KLK5: variants seen among roughly 807,000 people sequenced by gnomAD.
The protein encoded by KLK5 is kallikrein related peptidase 5.
Under a neutral mutation model 24.0 loss-of-function variants are expected in KLK5, and 18 were observed. The ratio of observed to expected loss-of-function variants is 0.75; its 90% CI spans 0.52 to 1.11. KLK5 has a LOEUF of 1.11. Among genes scored for constraint, KLK5 ranks in the 50% most tolerant of loss-of-function variants. KLK5 has a pLI of 0.00. For synonymous variants in KLK5, 140 were observed against 154.0 expected (o/e 0.91, Z 0.67); for missense variants, 374 against 379.2 (o/e 0.99, Z 0.11).
intron 5 of KLK5, among the ~76,000 whole-genome samples, chr19:50,945,933 ACTC>A (rs1223907565): frequency 6.6e-6 from 1 of 152,012 alleles, no homozygotes; most frequent in Admixed American, 6.5e-5. Context: ...CTGGTCTTGA[ACTC>A]CTGAGCTCAA....
intron 2 of KLK5, among the ~76,000 whole-genome samples, chr19:50,951,364 C>T (rs975866088): frequency 6.6e-6 from 1 of 152,068 alleles, no homozygotes; most frequent in Admixed American, 6.5e-5. Context: ...CCTCCACCTC[C>T]CGGGTTCAAG....
Position 50,952,890 on chromosome 19 carries a change from G to A in KLK5, c.-155C>T. ...GGGGACAGAGAAAGATGTGGGTGCAGGACGCACAGACACCTCTCCTTCCCT... is the reference window on the plus strand; with the variant it reads ...GGGGACAGAGAAAGATGTGGGTGCAAGACGCACAGACACCTCTCCTTCCCT... On this transcript the variant is annotated 5_prime_UTR_variant, in exon 1 of 6. Coordinates refer to ENST00000336334, the MANE Select transcript of KLK5 (RefSeq NM_012427.5). 1 of 394,542 alleles carries A rather than the reference G, an allele frequency of 2.5e-6. No homozygotes were observed. Among genetic ancestry groups the A allele is most frequent in the Non-Finnish European group, 4.5e-6 (1 of 223,452 alleles). The allele number at this position is 394,542 out of a possible 1,614,324, so 24.4% of individuals were successfully genotyped here.
In KLK5 at chr19:50,952,665, G is replaced by A; in HGVS notation, c.-8C>T. On this transcript the variant is annotated 5_prime_UTR_variant, in exon 2 of 6. Transcript: ENST00000336334. ...GGGTCTTGCTGTAGCCATGGCCGCTGCACCTGGATGGGGAATGTCAGAGGG... is the reference window on the plus strand; with the variant it reads ...GGGTCTTGCTGTAGCCATGGCCGCTACACCTGGATGGGGAATGTCAGAGGG... The A allele has an allele frequency of 6.3e-7, 1 of 1,593,524 alleles. No individual in the cohort carries two copies. Among genetic ancestry groups the A allele is most frequent in the South Asian group, 1.1e-5 (1 of 88,324 alleles).
intron 3 of KLK5, 146 bp downstream of exon 3, chr19:50,949,704 ATCCCC>A: frequency 1.2e-5 from 6 of 512,502 alleles, no homozygotes; most frequent in South Asian, 2.5e-5. Flanking sequence ...TCCCCAACCC[ATCCCC>A]ACCAACCCTC....
Position 50,949,044 on chromosome 19 carries a change from C to T in KLK5, c.407G>A (p.Gly136Glu), listed in dbSNP as rs1276802083. 1 of 1,613,764 alleles carries T rather than the reference C, an allele frequency of 6.2e-7. No individual in the cohort carries two copies. The highest frequency in any genetic ancestry group is 8.5e-7 in the Non-Finnish European group (1 of 1,179,976). Residue 136 changes from glycine to glutamate, a missense_variant, in exon 4 of 6, where the codon GGG becomes GAG. By Grantham distance (98) the Gly-to-Glu change is moderately conservative. Transcript: ENST00000336334. ...VYESGQQMFQ[G>E]VKSIPHPGYS... ...GCCAGGGTGGGGGATGGATTTGACC[C>T]CCTGGAACATCTGCTGCCCAGATTC...
In KLK5 at chr19:50,948,765, G is replaced by A; in HGVS notation, c.601C>T (p.Pro201Ser). 1 of 1,614,072 alleles carries A rather than the reference G, an allele frequency of 6.2e-7. No homozygotes were observed. The highest frequency in any genetic ancestry group is 8.5e-7 in the Non-Finnish European group (1 of 1,180,024). Residue 201 changes from proline to serine, a missense_variant, in exon 5 of 6, where the codon CCT becomes TCT. Coordinates refer to ENST00000336334, the MANE Select transcript of KLK5 (RefSeq NM_012427.5). The part of the protein sequence containing the change: ...GTTKSPQVHF[P>S]KVLQCLNISV... The stretch of plus-strand genomic sequence containing the variant: ...ATATTCAAGCACTGGAGGACCTTAG[G>A]GAAGTGCACTGTCAAACAGGAACAC...
chr19:50,948,804 G>A (rs979207138), intron 4 of KLK5, 31 bp from the exon 5 acceptor site: 14 of 1,614,006 alleles, frequency 8.7e-6, no homozygotes, highest in African/African-American at 1.3e-5. Flanking sequence ...GAGAAGTGGA[G>A]AAAGATGGAA....
intron 5 of KLK5, among the ~76,000 whole-genome samples, chr19:50,948,354 C>A (rs1413676913): frequency 6.6e-6 from 1 of 152,106 alleles, no homozygotes; most frequent in Admixed American, 6.5e-5. Flanking sequence ...AACTCCTGAC[C>A]AAAGGTGATC....
chr19:50,951,289 C>T (rs1420912128), intron 2 of KLK5, among the ~76,000 whole-genome samples: 2 of 150,440 alleles, frequency 1.3e-5, no homozygotes, highest in Non-Finnish European at 3.0e-5. Context: ...TTTTTTCTTT[C>T]GAGACGGAGT....
intron 5 of KLK5, among the ~76,000 whole-genome samples, chr19:50,946,567 T>TC (rs1555778440): frequency 7.8e-6 from 1 of 128,960 alleles, no homozygotes; most frequent in East Asian, 2.0e-4. Flanking sequence ...TTCTTTTCTT[T>TC]TTTTTTTTTT....
In KLK5 at chr19:50,948,620, A is replaced by T. The variant is rs1456407256; in HGVS notation, c.726+20T>A. 7 of 1,613,958 alleles carry T rather than the reference A, an allele frequency of 4.3e-6. No homozygotes were observed. The highest frequency in any genetic ancestry group is 5.9e-6 in the Non-Finnish European group (7 of 1,179,876). On this transcript the variant is annotated intron_variant, in intron 5 of 5. Coordinates refer to ENST00000336334, the MANE Select transcript of KLK5 (RefSeq NM_012427.5). Reference sequence around the variant, plus strand: ...TTGGCACTCAGTGTGTATCTGCTGAATAAAGAGAGGTGTCCTCACCTGGCA... The same window carrying T: ...TTGGCACTCAGTGTGTATCTGCTGATTAAAGAGAGGTGTCCTCACCTGGCA...
rs370491704 is a variant in KLK5, at chr19:50,947,208, G to T, written c.726+1432C>A. On this transcript the variant is annotated intron_variant, in intron 5 of 5. Transcript: ENST00000336334. This position sits in a 1 kb window ranked among gnomAD's most constrained non-coding sequence, Gnocchi z 8.7. ...TAGAACATAGGGAAGCTCTGTGTTG[G>T]TGACCAAGAAATACTTGCAGAGCAT... 5.3e-5 allele frequency among the ~76,000 whole-genome samples: 8 copies of T among 152,290 alleles called. No homozygotes were observed. Among genetic ancestry groups the T allele is most frequent in the South Asian group, 2.1e-4 (1 of 4,820 alleles).
chr19:50,943,520 T>C lies in KLK5; in HGVS notation c.*111A>G. 2.9e-6 allele frequency: 3 copies of C among 1,051,472 alleles called. No individual in the cohort carries two copies. The highest frequency in any genetic ancestry group is 4.3e-6 in the Non-Finnish European group (3 of 694,848). The allele number at this position is 1,051,472 out of a possible 1,614,324, so 65.1% of individuals were successfully genotyped here. A position where few individuals can be genotyped will look rare whatever the true frequency, so the allele number is the denominator to read the frequency against. On this transcript the variant is annotated 3_prime_UTR_variant, in exon 6 of 6. Coordinates refer to ENST00000336334, the MANE Select transcript of KLK5 (RefSeq NM_012427.5). ...GTCCAGGAGACATGGGGTCAGGGGC[T>C]GGAGAGATGAACATTCTCAACATCT...
At position 50,946,240 on chromosome 19, in the gene KLK5, T is replaced by G. The variant is rs369230648; in HGVS notation, c.726+2400A>C. ...TTGAGAGGCTGTTAGTTAACTGCTC[T>G]GAGCCTTGGCTCCTTGTTTGTAAAA... On this transcript the variant is annotated intron_variant, in intron 5 of 5. Transcript: ENST00000336334. Among the ~76,000 whole-genome samples the G allele has an allele frequency of 6.8e-4, 104 of 152,270 alleles. 1 individual carries two copies. The highest frequency in any genetic ancestry group is 2.4e-3 in the African/African-American group (100 of 41,476).
rs536554644 is a variant in KLK5 at position 50,947,442 on chromosome 19, G to A, written c.726+1198C>T. ...GCTCAAATGCCACCTCTCCAAGGAG[G>A]CTCCCCTGACCACCTTTTTGAATAT... On this transcript the variant is annotated intron_variant, in intron 5 of 5. Coordinates refer to ENST00000336334, the MANE Select transcript of KLK5 (RefSeq NM_012427.5). This position sits in a 1 kb window ranked among gnomAD's most constrained non-coding sequence, Gnocchi z 8.7. Among the ~76,000 whole-genome samples the A allele has an allele frequency of 1.3e-5, 2 of 152,182 alleles. No homozygotes were observed. Among genetic ancestry groups the A allele is most frequent in the East Asian group, 3.9e-4 (2 of 5,184 alleles).
At position 50,950,619 on chromosome 19, in the gene KLK5, C is replaced by T. The variant is rs556139132; in HGVS notation, c.74-503G>A. Among the ~76,000 whole-genome samples, 19 of 152,096 alleles carry T rather than the reference C, an allele frequency of 1.2e-4. No homozygotes were observed. The East Asian group carries it at 2.3e-3, about 19-fold the overall frequency. On this transcript the variant is annotated intron_variant, in intron 2 of 5. Transcript: ENST00000336334. ...AAGAGCTCTGACTTTGGGCTGGGGGCGGTGGCTCACGCCTGTAACCCCAGC... is the reference window on the plus strand; with the variant it reads ...AAGAGCTCTGACTTTGGGCTGGGGGTGGTGGCTCACGCCTGTAACCCCAGC...
intron 2 of KLK5, among the ~76,000 whole-genome samples, chr19:50,951,054 C>T (rs958861825): frequency 1.3e-5 from 2 of 151,912 alleles, no homozygotes; most frequent in African/African-American, 4.8e-5. Context: ...AGCTCATGGG[C>T]GGAGCTAGGG....
intron 2 of KLK5, among the ~76,000 whole-genome samples, chr19:50,951,746 G>A (rs1235436595): frequency 1.3e-5 from 2 of 152,124 alleles, no homozygotes; most frequent in Non-Finnish European, 2.9e-5. Context: ...ACACGCTCCC[G>A]GGCAGCCTAG....
In KLK5 at chr19:50,943,654, C is replaced by T. The variant is rs751590358; in HGVS notation, c.859G>A (p.Glu287Lys). ...ACTCAGGAGTTGGCCTGGATGGTTT[C>T]CTGGATCCACTTGGTGAACTTGCAG... is the stretch of plus-strand genomic sequence containing the variant. ...NLCKFTKWIQ[E>K]TIQANS The change falls in exon 6 of 6, where the codon GAA becomes AAA. Residue 287 changes from glutamate (E) to lysine (K), a missense_variant. Transcript: ENST00000336334. The T allele has an allele frequency of 2.5e-6, 4 of 1,614,002 alleles. No homozygotes were observed. Among genetic ancestry groups the T allele is most frequent in the Non-Finnish European group, 3.4e-6 (4 of 1,179,950 alleles).
Sources: gnomAD v4.1 joint callset for allele counts (sites outside exome capture counted in the v4.1 genomes callset) on GRCh38, gnomAD v4.1.1 for gene constraint, Gnocchi (gnomAD v3.1) non-coding constraint, MANE v1.5 for transcripts, NCBI Gene and HGNC (gene_info 2026-07-23, HGNC 2026-07-21) for gene names.